MGST1: variants seen among roughly 807,000 people sequenced by gnomAD.
The protein encoded by MGST1 is glutathione S-transferase 12.
A neutral mutation model predicts 8.9 loss-of-function variants in MGST1; 5 were observed. The ratio of observed to expected loss-of-function variants is 0.56; its 90% CI spans 0.29 to 1.19. The LOEUF is 1.19. Among genes scored for constraint, MGST1 ranks in the 50% most tolerant of loss-of-function variants. The pLI is 0.08. For missense variants in MGST1, 182 were observed against 187.4 expected (o/e 0.97, Z 0.17); for synonymous variants, 54 against 67.8 (o/e 0.80, Z 1.00).
In MGST1 at chr12:16,364,383, G is replaced by A. The variant is rs1591705219; in HGVS notation, c.*342G>A. The stretch of plus-strand genomic sequence containing the variant: ...CCTATATTTCAATACTGCTGAAACA[G>A]ACATGAAATAAAGAATTTAAAGAAT... On this transcript the variant is annotated 3_prime_UTR_variant, in exon 4 of 4. Coordinates refer to ENST00000396210, the MANE Select transcript of MGST1 (RefSeq NM_020300.5). The surrounding 1 kb of genome is among the most constrained non-coding windows in gnomAD (Gnocchi z 5.7). 3.0e-6 allele frequency: 3 copies of A among 995,068 alleles called. No homozygotes were observed. In the African/African-American group the frequency reaches 5.2e-5, roughly 17 times the overall value. 61.6% of individuals were successfully genotyped at this position (995,068 alleles called of 1,614,324 possible). A position where few individuals can be genotyped will look rare whatever the true frequency, so the allele number is the denominator to read the frequency against.
downstream of MGST1, among the ~76,000 whole-genome samples, chr12:16,365,459 A>T (rs1940168582): frequency 6.6e-6 from 1 of 152,178 alleles, no homozygotes; most frequent in Admixed American, 6.5e-5. Context: ...GTTCATTTAG[A>T]TGTGCCACTC....
At chr12:16,575,137 AAACTT>A (rs1249111504) in intron 4 of MGST1, among the ~76,000 whole-genome samples, 3 of 152,238 alleles carry the variant, frequency 2.0e-5, no homozygotes, top group African/African-American at 4.8e-5. Context: ...GTTATAATCT[AAACTT>A]AACATTATGA....
chr12:16,428,400 G>A (rs1940911615), intron 1 of MGST1, among the ~76,000 whole-genome samples: 1 of 151,326 alleles, frequency 6.6e-6, no homozygotes, highest in African/African-American at 2.4e-5. Flanking sequence ...AACATTTCTA[G>A]ATACATATTT....
chr12:16,373,368 A>C (rs1940328195), intron 3 of MGST1, among the ~76,000 whole-genome samples: 1 of 151,902 alleles, frequency 6.6e-6, no homozygotes, highest in Non-Finnish European at 1.5e-5. Flanking sequence ...AGTTAATAAT[A>C]ATTTATTGTA....
chr12:16,391,566 A>G (rs996064153), intron 1 of MGST1, among the ~76,000 whole-genome samples: 2 of 150,630 alleles, frequency 1.3e-5, no homozygotes, highest in Non-Finnish European at 3.0e-5. Context: ...TGTATTATTG[A>G]TGCCTTTGCC....
intron 1 of MGST1, among the ~76,000 whole-genome samples, chr12:16,404,493 ATTAT>A (rs773612409): frequency 1.3e-4 from 20 of 151,786 alleles, no homozygotes; most frequent in East Asian, 9.7e-4. Flanking sequence ...TGTATTTTTA[ATTAT>A]TTATTCTTTT....
chr12:16,577,125 T>C (rs1387148865), intron 4 of MGST1, among the ~76,000 whole-genome samples: 2 of 152,182 alleles, frequency 1.3e-5, no homozygotes, highest in African/African-American at 4.8e-5. Flanking sequence ...ACTGGTAACA[T>C]CTGTATCCCT....
chr12:16,402,327 C>G, intron 1 of MGST1: 3 of 1,597,216 alleles, frequency 1.9e-6, no homozygotes, highest in Non-Finnish European at 2.6e-6. Context: ...AACAATGGCT[C>G]AACGTTGGCA....
In MGST1 at chr12:16,548,099, T is replaced by G. The variant is rs189962429; in HGVS notation, n.483-41429T>G. 7.5e-4 allele frequency among the ~76,000 whole-genome samples: 114 copies of G among 152,298 alleles called. No individual in the cohort carries two copies. Among genetic ancestry groups the G allele is most frequent in the African/African-American group, 2.6e-3 (107 of 41,566 alleles). ...CAGAGTTGCTTTCAGAAAGATCACC[T>G]AAAATTTGTATAAATGTGCAAAATT... On this transcript the variant is annotated intron_variant and non_coding_transcript_variant, in intron 4 of 4. Transcript: ENST00000538857. The surrounding 1 kb of genome is among the most constrained non-coding windows in gnomAD (Gnocchi z 4.2).
At chr12:16,360,463 C>T (rs1037387541) in intron 3 of MGST1, 1 of 679,130 alleles carries the variant, frequency 1.5e-6, no homozygotes, top group African/African-American at 2.0e-5. Flanking sequence ...GTTGAAATAC[C>T]AAGATATGTG....
At chr12:16,474,194 C>T (rs534404740) in intron 4 of MGST1, among the ~76,000 whole-genome samples, 12 of 152,196 alleles carry the variant, frequency 7.9e-5, no homozygotes, top group Admixed American at 5.2e-4. Context: ...AGCTGCTTAA[C>T]ATTGTGTTTT....
At chr12:16,541,844 T>G (rs1364448366) in intron 4 of MGST1, among the ~76,000 whole-genome samples, 1 of 152,200 alleles carries the variant, frequency 6.6e-6, no homozygotes, top group African/African-American at 2.4e-5. Context: ...TTCGTAAGTT[T>G]CGGTAAGCCA....
At chr12:16,495,458 TA>T (rs1941463725) in intron 4 of MGST1, among the ~76,000 whole-genome samples, 1 of 152,038 alleles carries the variant, frequency 6.6e-6, no homozygotes, top group Non-Finnish European at 1.5e-5. Flanking sequence ...CCTCTGCATC[TA>T]AAAGAAACAT....
At chr12:16,412,624 G>A (rs1460871589) in intron 1 of MGST1, among the ~76,000 whole-genome samples, 3 of 152,108 alleles carry the variant, frequency 2.0e-5, no homozygotes, top group Non-Finnish European at 4.4e-5. Context: ...ATTAAATCAT[G>A]CGGATGAGTT....
chr12:16,442,540 A>G (rs1019037733), downstream of MGST1, among the ~76,000 whole-genome samples: 9 of 151,736 alleles, frequency 5.9e-5, no homozygotes, highest in Non-Finnish European at 1.2e-4. The surrounding 1 kb of genome is among the most constrained non-coding windows in gnomAD (Gnocchi z 4.5). Flanking sequence ...GCGGATGTCT[A>G]TTTGTTCCAG....
At chr12:16,557,385 T>TA (rs2137301350) in intron 4 of MGST1, among the ~76,000 whole-genome samples, 1 of 150,682 alleles carries the variant, frequency 6.6e-6, no homozygotes, top group Non-Finnish European at 1.5e-5. Flanking sequence ...TTTTTTTTTT[T>TA]AAACGTAATT....
In MGST1 at chr12:16,514,497, A is replaced by G. The variant is rs1048444743; in HGVS notation, n.483-75031A>G. The G allele has an allele frequency of 4.7e-5, 12 of 254,502 alleles. 1 individual carries two copies. The East Asian group carries it at 1.4e-3, about 31-fold the overall frequency. 15.8% of individuals were successfully genotyped at this position (254,502 alleles called of 1,614,324 possible). ...GGGTTCTACCCACTACTGGCCACAC[A>G]TCACTGCCCAAATTGACATGTTTTG... On this transcript the variant is annotated intron_variant and non_coding_transcript_variant, in intron 4 of 4. Transcript: ENST00000538857.
chr12:16,353,908 C>T (rs775460450), intron 1 of MGST1, among the ~76,000 whole-genome samples: 12 of 151,922 alleles, frequency 7.9e-5, no homozygotes, highest in Non-Finnish European at 1.3e-4. Context: ...TGCAGGCACA[C>T]GCCACTGCGT....
rs1941761235 is a variant in MGST1, at chr12:16,537,201, A to G, written n.483-52327A>G. On this transcript the variant is annotated intron_variant and non_coding_transcript_variant, in intron 4 of 4. Coordinates refer to the MGST1 transcript ENST00000538857. This position sits in a 1 kb window ranked among gnomAD's most constrained non-coding sequence, Gnocchi z 4.6. ...CAGGGCCCATCCAAGTCTGAAATCCAGTGGGGCAGTCAAATTTTAAAGCTC... is the reference window on the plus strand; with the variant it reads ...CAGGGCCCATCCAAGTCTGAAATCCGGTGGGGCAGTCAAATTTTAAAGCTC... Among the ~76,000 whole-genome samples the G allele has an allele frequency of 6.6e-6, 1 of 152,202 alleles. No homozygotes were observed.
Sources: allele counts gnomAD v4.1 joint callset (sites outside exome capture counted in the v4.1 genomes callset), GRCh38; gene constraint gnomAD v4.1.1; non-coding constraint Gnocchi (gnomAD v3.1); transcripts MANE v1.5; gene names NCBI Gene and HGNC (gene_info 2026-07-23, HGNC 2026-07-21).